The following AGBL1 variants were observed in gnomAD, a reference collection of about 807,000 sequenced individuals.
AGBL1 encodes AGBL carboxypeptidase 1.
AGBL1 carries 130 observed loss-of-function variants against 118.9 expected under a neutral mutation model. The ratio of observed to expected loss-of-function variants is 1.09; its 90% CI spans 0.95 to 1.26. AGBL1 has a LOEUF of 1.26. Ranked by LOEUF, AGBL1 falls within the 50% of genes most tolerant of loss-of-function variation. AGBL1 has a pLI of 0.00. For missense variants in AGBL1, 1,584 were observed against 1,298.1 expected (o/e 1.22, Z -3.38); for synonymous variants, 555 against 478.9 (o/e 1.16, Z -2.08).
chr15:86,309,982 T>C (rs1603501), intron 17 of AGBL1, among the ~76,000 whole-genome samples: 7,778 of 152,248 alleles, frequency 0.051, 643 homozygotes, highest in African/African-American at 0.18. Context: ...TTCAATTTTT[T>C]GGGAGAGTTA....
At chr15:87,014,066 A>C (rs1324279563) in intron 24 of AGBL1, among the ~76,000 whole-genome samples, 1 of 152,192 alleles carries the variant, frequency 6.6e-6, no homozygotes, top group Non-Finnish European at 1.5e-5. Flanking sequence ...ATAATAAATG[A>C]TAGACACTTA....
At chr15:86,373,196 G>A (rs1009783036) in intron 17 of AGBL1, among the ~76,000 whole-genome samples, 1 of 152,082 alleles carries the variant, frequency 6.6e-6, no homozygotes, top group African/African-American at 2.4e-5. Context: ...TTAGGAAAAG[G>A]TTGGTGATAT....
intron 24 of AGBL1, among the ~76,000 whole-genome samples, chr15:87,005,577 G>A (rs28847918): frequency 0.099 from 14,985 of 152,014 alleles, 1,291 homozygotes; most frequent in African/African-American, 0.23. Flanking sequence ...TAGTCAATCT[G>A]ATTAGCCATT....
At chr15:86,634,837 A>G (rs1335806228) in intron 21 of AGBL1, among the ~76,000 whole-genome samples, 1 of 152,190 alleles carries the variant, frequency 6.6e-6, no homozygotes, top group Non-Finnish European at 1.5e-5. Context: ...GTTCCGTTTC[A>G]TTTGCATTAT....
At chr15:86,624,553 C>T (rs2142418617) in intron 21 of AGBL1, among the ~76,000 whole-genome samples, 2 of 152,288 alleles carry the variant, frequency 1.3e-5, no homozygotes, top group Middle Eastern at 3.4e-3. Flanking sequence ...AAGGTATTCT[C>T]AATTAAGGCC....
At chr15:86,491,862 G>A (rs1282581631) in intron 18 of AGBL1, among the ~76,000 whole-genome samples, 2 of 151,910 alleles carry the variant, frequency 1.3e-5, no homozygotes, top group Non-Finnish European at 2.9e-5. Flanking sequence ...CTGTGTGTGG[G>A]GGGTGGGGGG....
chr15:86,629,087 T>G (rs1370933936), intron 21 of AGBL1, among the ~76,000 whole-genome samples: 1 of 152,148 alleles, frequency 6.6e-6, no homozygotes, highest in Non-Finnish European at 1.5e-5. Context: ...GTCTCCAGAA[T>G]TTACTCATTT....
At chr15:86,991,037 T>C (rs148255596) in intron 24 of AGBL1, among the ~76,000 whole-genome samples, 1 of 152,302 alleles carries the variant, frequency 6.6e-6, no homozygotes, top group East Asian at 1.9e-4. Flanking sequence ...TTTGTTGCTG[T>C]TAGCATTACA....
intron 6 of AGBL1, among the ~76,000 whole-genome samples, chr15:86,246,714 T>C (rs1212900111): frequency 6.6e-6 from 1 of 152,190 alleles, no homozygotes; most frequent in East Asian, 1.9e-4. Context: ...AAAAAATGGA[T>C]GTGGAGGTTA....
At chr15:86,549,726 T>C (rs2083638196) in intron 20 of AGBL1, among the ~76,000 whole-genome samples, 1 of 151,738 alleles carries the variant, frequency 6.6e-6, no homozygotes, top group Non-Finnish European at 1.5e-5. Context: ...TATGTTCAAA[T>C]AATTAAAGAA....
intron 22 of AGBL1, among the ~76,000 whole-genome samples, chr15:86,875,121 AC>A (rs1441413049): frequency 6.6e-6 from 1 of 152,120 alleles, no homozygotes; most frequent in Non-Finnish European, 1.5e-5. Flanking sequence ...TTTGTTCATG[AC>A]CCCCAGAGAA....
At chr15:86,735,364 A>C (rs774402512) in intron 22 of AGBL1, among the ~76,000 whole-genome samples, 1 of 152,146 alleles carries the variant, frequency 6.6e-6, no homozygotes, top group Non-Finnish European at 1.5e-5. Context: ...TACAGGCATG[A>C]GGCATGGCAC....
At chr15:86,791,269 C>T (rs370503298) in intron 22 of AGBL1, among the ~76,000 whole-genome samples, 48 of 152,114 alleles carry the variant, frequency 3.2e-4, no homozygotes, top group African/African-American at 1.1e-3. Context: ...GTAGTATATA[C>T]CAAATGTAGA....
chr15:86,710,330 A>G (rs902618691), intron 22 of AGBL1, among the ~76,000 whole-genome samples: 1 of 152,190 alleles, frequency 6.6e-6, no homozygotes, highest in Non-Finnish European at 1.5e-5. Context: ...TATTAGACCC[A>G]TTGTTAGTTG....
At chr15:87,020,720 T>G (rs557892568) in intron 24 of AGBL1, among the ~76,000 whole-genome samples, 1 of 151,860 alleles carries the variant, frequency 6.6e-6, no homozygotes, top group African/African-American at 2.4e-5. Context: ...AAGCAGAGAG[T>G]CAAATCATGA....
chr15:86,983,834 T>C (rs1567272175), intron 23 of AGBL1, among the ~76,000 whole-genome samples: 2 of 152,200 alleles, frequency 1.3e-5, no homozygotes, highest in Non-Finnish European at 1.5e-5. Context: ...TTGTGCAATA[T>C]AGTGCTTTGA....
chr15:86,409,217 C>G (rs1205158864), intron 18 of AGBL1, among the ~76,000 whole-genome samples: 1 of 152,130 alleles, frequency 6.6e-6, no homozygotes, highest in East Asian at 1.9e-4. Flanking sequence ...GTGCAACCGT[C>G]CAAACCTCTG....
intron 18 of AGBL1, among the ~76,000 whole-genome samples, chr15:86,481,448 C>A (rs952925101): frequency 6.6e-6 from 1 of 152,056 alleles, no homozygotes; most frequent in Non-Finnish European, 1.5e-5. Context: ...GGACTTTCTG[C>A]GTTCTTTTAT....
intron 22 of AGBL1, among the ~76,000 whole-genome samples, chr15:86,858,561 A>T (rs968032701): frequency 6.6e-6 from 1 of 152,076 alleles, no homozygotes. Context: ...TTCAGCAAAC[A>T]TTCACGGACA....
Sources: allele counts gnomAD v4.1 joint callset (sites outside exome capture counted in the v4.1 genomes callset), GRCh38; gene constraint gnomAD v4.1.1; transcripts MANE v1.5; gene names NCBI Gene and HGNC (gene_info 2026-07-23, HGNC 2026-07-21).